KIAA1217: variants seen among roughly 807,000 people sequenced by gnomAD.
The protein encoded by KIAA1217 is sickle tail protein homolog.
KIAA1217 carries 88 observed loss-of-function variants against 163.9 expected under a neutral mutation model. The ratio of observed to expected loss-of-function variants is 0.54; its 90% CI spans 0.45 to 0.64. The LOEUF is 0.64. Ranked by LOEUF, KIAA1217 falls within the 30% of genes least tolerant of loss-of-function variation. KIAA1217 has a pLI of 0.00. For synonymous variants in KIAA1217, 903 were observed against 923.1 expected (o/e 0.98, Z 0.39); for missense variants, 2,372 against 2,475.0 (o/e 0.96, Z 0.88).
At position 24,105,058 on chromosome 10, in the gene KIAA1217, A is replaced by AGATGATGAT. The variant is rs71869676; in HGVS notation, c.-171+97711_-171+97719dup. On this transcript the variant is annotated intron_variant, in intron 2 of 18. Transcript: ENST00000376462. ...CAAAATGATGAAACTTCCCACTGCA[A>AGATGATGAT]GATGATGATGATGATGATGATGATG... 4.2e-3 allele frequency among the ~76,000 whole-genome samples: 642 copies of AGATGATGAT among 151,124 alleles called. 3 individuals carry two copies. Among genetic ancestry groups the AGATGATGAT allele is most frequent in the African/African-American group, 0.015 (612 of 41,108 alleles).
At chr10:24,253,032 G>A (rs1462805677) in intron 2 of KIAA1217, among the ~76,000 whole-genome samples, 1 of 151,962 alleles carries the variant, frequency 6.6e-6, no homozygotes, top group Non-Finnish European at 1.5e-5. Flanking sequence ...TACCTGAAAA[G>A]GAGCCAGTCT....
intron 4 of KIAA1217, 90 bp from the exon 5 acceptor site, chr10:24,438,296 T>A: frequency 1.2e-6 from 1 of 868,926 alleles, no homozygotes; most frequent in Non-Finnish European, 1.9e-6. Context: ...TCTGTTCATG[T>A]TTTTTACCTG....
chr10:24,433,252 GT>G, intron 4 of KIAA1217, 59 bp downstream of exon 4: 1 of 1,360,350 alleles, frequency 7.4e-7, no homozygotes. Context: ...TTTGTTTTTT[GT>G]TTTTTTGTTT....
chr10:23,937,550 T>C (rs917802975), intron 1 of KIAA1217, among the ~76,000 whole-genome samples: 2 of 152,204 alleles, frequency 1.3e-5, no homozygotes, highest in African/African-American at 4.8e-5. Context: ...CACTATCCCA[T>C]GTTTTATATG....
chr10:24,135,433 G>T (rs974185219), intron 2 of KIAA1217, among the ~76,000 whole-genome samples: 2 of 152,002 alleles, frequency 1.3e-5, no homozygotes, highest in Admixed American at 6.5e-5. Flanking sequence ...TGGGATTGGC[G>T]TGGGGACTGG....
chr10:23,703,661 G>A (rs1836641178), intron 1 of KIAA1217, among the ~76,000 whole-genome samples: 1 of 151,996 alleles, frequency 6.6e-6, no homozygotes, highest in South Asian at 2.1e-4. Flanking sequence ...TCCCCATACT[G>A]CACTGTTTTC....
chr10:24,175,324 G>A (rs929697384), intron 2 of KIAA1217, among the ~76,000 whole-genome samples: 11 of 152,068 alleles, frequency 7.2e-5, no homozygotes, highest in African/African-American at 2.4e-4. Flanking sequence ...TACAATGTTC[G>A]GTTTTTCATT....
chr10:24,138,063 T>TATATA (rs2063901678), intron 2 of KIAA1217, among the ~76,000 whole-genome samples: 1 of 152,232 alleles, frequency 6.6e-6, no homozygotes, highest in African/African-American at 2.4e-5. Flanking sequence ...GAACGTATAG[T>TATATA]AGCATAAGGT....
intron 2 of KIAA1217, among the ~76,000 whole-genome samples, chr10:24,065,475 A>G (rs1223660971): frequency 6.6e-6 from 1 of 152,124 alleles, no homozygotes; most frequent in Non-Finnish European, 1.5e-5. Context: ...CTTACTCCTG[A>G]GTTCTAGTTT....
chr10:24,350,162 G>C (rs1378949575), intron 2 of KIAA1217, among the ~76,000 whole-genome samples: 1 of 152,174 alleles, frequency 6.6e-6, no homozygotes, highest in Non-Finnish European at 1.5e-5. Flanking sequence ...TTACCTTTTG[G>C]CTTGAGGCAT....
chr10:24,463,014 G>A (rs1403896465), intron 5 of KIAA1217, among the ~76,000 whole-genome samples: 1 of 152,146 alleles, frequency 6.6e-6, no homozygotes, highest in African/African-American at 2.4e-5. Context: ...GATAAGAGAA[G>A]GAATTATTTG....
chr10:24,494,580 C>T lies in KIAA1217; in HGVS notation c.1760C>T (p.Thr587Ile). ...TCTGCGCTTTTTAAAGGGCCCATTA[C>T]AAGTTATAGCAAAGATGCGTCTAGG... The part of the protein sequence containing the change: ...VQSALFKGPI[T>I]SYSKDASSEK... Residue 587 changes from threonine (T) to isoleucine (I), a missense_variant, in exon 7 of 21, where the codon ACA (threonine) becomes ATA (isoleucine). Thr to Ile is a moderately conservative substitution (Grantham distance 89). Around this residue, in one of 3 missense-constraint regions of KIAA1217, gnomAD observed 1,431 missense variants for 1,470.3 expected, o/e 0.97. Transcript: ENST00000376454. 1 of 1,612,258 alleles carries T rather than the reference C, an allele frequency of 6.2e-7. No individual in the cohort carries two copies. Among genetic ancestry groups the T allele is most frequent in the Non-Finnish European group, 8.5e-7 (1 of 1,178,864 alleles).
intron 2 of KIAA1217, among the ~76,000 whole-genome samples, chr10:24,356,578 G>C (rs1349269611): frequency 6.6e-6 from 1 of 152,232 alleles, no homozygotes; most frequent in East Asian, 1.9e-4. Context: ...ACAGTGTTGA[G>C]AGTTGGGACC....
intron 3 of KIAA1217, among the ~76,000 whole-genome samples, chr10:24,429,755 G>A (rs1254818967): frequency 1.3e-5 from 2 of 152,152 alleles, no homozygotes; most frequent in Non-Finnish European, 2.9e-5. Context: ...TAATGTAAGA[G>A]GGAGGCACGG....
intron 2 of KIAA1217, among the ~76,000 whole-genome samples, chr10:24,092,176 C>T (rs1310699330): frequency 2.6e-5 from 4 of 151,676 alleles, no homozygotes; most frequent in Non-Finnish European, 4.4e-5. Flanking sequence ...CTCCCTAAAC[C>T]TCATGCCACC....
chr10:24,377,828 G>T (rs1261532822), intron 2 of KIAA1217, among the ~76,000 whole-genome samples: 2 of 152,134 alleles, frequency 1.3e-5, no homozygotes, highest in Non-Finnish European at 1.5e-5. Flanking sequence ...TAGCAGCTTA[G>T]CCAGGAGGAA....
chr10:24,480,176 C>T (rs2064496711), intron 6 of KIAA1217, among the ~76,000 whole-genome samples: 1 of 152,218 alleles, frequency 6.6e-6, no homozygotes, highest in Admixed American at 6.5e-5. Context: ...CCCAGGGGGG[C>T]AAAATGCCCC....
At chr10:24,061,762 A>C (rs567920041) in intron 2 of KIAA1217, among the ~76,000 whole-genome samples, 2 of 152,314 alleles carry the variant, frequency 1.3e-5, no homozygotes, top group Admixed American at 6.5e-5. Context: ...AAATCTTCTC[A>C]AAGCTCCCTT....
intron 1 of KIAA1217, among the ~76,000 whole-genome samples, chr10:23,853,443 A>C (rs1182615878): frequency 6.6e-6 from 1 of 152,118 alleles, no homozygotes; most frequent in Non-Finnish European, 1.5e-5. Flanking sequence ...TTTTTGCATC[A>C]ATGTTCATCA....
Sources: allele counts gnomAD v4.1 joint callset (sites outside exome capture counted in the v4.1 genomes callset), GRCh38; gene constraint gnomAD v4.1.1; regional missense constraint gnomAD v4.1.1; transcripts MANE v1.5; gene names NCBI Gene and HGNC (gene_info 2026-07-23, HGNC 2026-07-21).